ASPRV1: variants seen among roughly 807,000 people sequenced by gnomAD.
The protein encoded by ASPRV1 is aspartic peptidase retroviral like 1.
ASPRV1 carries 7 observed loss-of-function variants against 11.0 expected under a neutral mutation model. That is an observed-to-expected ratio of 0.64 (90% CI 0.36 to 1.20). ASPRV1 has a LOEUF of 1.20. ASPRV1 is among the 50% of genes most tolerant of loss of function. ASPRV1 has a pLI of 0.02. For synonymous variants in ASPRV1, 136 were observed against 138.4 expected (o/e 0.98, Z 0.12); for missense variants, 299 against 320.0 (o/e 0.93, Z 0.50).
At chr2:69,967,873 G>T in the ASPRV1 span, among the ~76,000 whole-genome samples, 2 of 152,110 alleles carry the variant, frequency 1.3e-5, no homozygotes, top group African/African-American at 4.8e-5. Flanking sequence ...CTGAGGTCAG[G>T]AGTTCCAGAC....
At chr2:69,957,456 T>G (rs1677965773), downstream of ASPRV1, among the ~76,000 whole-genome samples, 1 of 151,178 alleles carries the variant, frequency 6.6e-6, no homozygotes. Context: ...CATAAAGAAT[T>G]ATCTAGTATG....
the ASPRV1 span, among the ~76,000 whole-genome samples, chr2:69,984,958 G>A: frequency 2.0e-5 from 3 of 151,274 alleles, no homozygotes; most frequent in Non-Finnish European, 2.9e-5. Flanking sequence ...CCAGGTTCAC[G>A]CCATTCTCCT....
chr2:70,055,830 A>C, the ASPRV1 span: 1 of 152,096 alleles, frequency 6.6e-6, no homozygotes, highest in African/African-American at 2.4e-5. Flanking sequence ...CGTAATCCTG[A>C]CACTTGGGAG....
downstream of ASPRV1, among the ~76,000 whole-genome samples, chr2:69,958,325 G>A (rs1348282005): frequency 6.6e-6 from 1 of 152,104 alleles, no homozygotes; most frequent in Non-Finnish European, 1.5e-5. Context: ...TGCCCTCTCG[G>A]GGGGCCCACA....
chr2:70,062,979 A>G, the ASPRV1 span, among the ~76,000 whole-genome samples: 1 of 152,172 alleles, frequency 6.6e-6, no homozygotes, highest in Non-Finnish European at 1.5e-5. Flanking sequence ...TGGTTTTCCC[A>G]GCATGGCCCT....
At chr2:70,031,267 A>C in the ASPRV1 span, 2 of 152,188 alleles carry the variant, frequency 1.3e-5, no homozygotes, top group African/African-American at 4.8e-5. Context: ...CTTTATGACA[A>C]AGGATTTGCT....
At chr2:69,961,762 G>T, upstream of ASPRV1, 1 of 1,458,714 alleles carries the variant, frequency 6.9e-7, no homozygotes, top group Non-Finnish European at 9.2e-7. Context: ...TAGCAGGATG[G>T]GTGCCTCACC....
the ASPRV1 span, among the ~76,000 whole-genome samples, chr2:70,034,729 A>G: frequency 2.0e-5 from 3 of 152,184 alleles, no homozygotes; most frequent in East Asian, 5.8e-4. Context: ...CAATTCTCCC[A>G]AGGCAGGATG....
the ASPRV1 span, among the ~76,000 whole-genome samples, chr2:70,024,231 CA>C: frequency 6.6e-6 from 1 of 151,466 alleles, no homozygotes; most frequent in South Asian, 2.1e-4. Context: ...TAAAAATTAC[CA>C]AAATTGACTG....
At chr2:70,083,339 A>C in the ASPRV1 span, among the ~76,000 whole-genome samples, 1 of 152,232 alleles carries the variant, frequency 6.6e-6, no homozygotes, top group African/African-American at 2.4e-5. Context: ...TAAAATGGGC[A>C]TAAGACCCTA....
upstream of ASPRV1, chr2:69,962,878 C>A: frequency 5.0e-6 from 1 of 199,174 alleles, no homozygotes; most frequent in Non-Finnish European, 1.1e-5. Flanking sequence ...GAACAACTTC[C>A]TCTGGGACCC....
the ASPRV1 span, among the ~76,000 whole-genome samples, chr2:69,933,074 C>T: frequency 3.3e-5 from 5 of 151,664 alleles, no homozygotes; most frequent in African/African-American, 4.8e-5. Context: ...TGGCGGGCGC[C>T]TGTAATCCCA....
chr2:69,933,069 G>A, the ASPRV1 span, among the ~76,000 whole-genome samples: 1 of 151,638 alleles, frequency 6.6e-6, no homozygotes, highest in Admixed American at 6.6e-5. Context: ...CGTGGTGGCG[G>A]GCGCCTGTAA....
At chr2:69,952,516 GAAAAAGAAAGGAAAA>G in the ASPRV1 span, among the ~76,000 whole-genome samples, 2 of 94,302 alleles carry the variant, frequency 2.1e-5, no homozygotes, top group African/African-American at 8.2e-5. Context: ...AAAAGAAAAA[GAAAAAGAAAGGAAAA>G]GAAAAGAAAA....
At chr2:69,939,466 C>G in the ASPRV1 span, 2 of 152,546 alleles carry the variant, frequency 1.3e-5, no homozygotes, top group Admixed American at 6.5e-5. Flanking sequence ...TTTATTTAAG[C>G]TAAAACAGAG....
upstream of ASPRV1, chr2:69,963,479 T>C (rs768187533): frequency 6.6e-6 from 3 of 455,920 alleles, no homozygotes; most frequent in South Asian, 4.6e-5. Context: ...CTGGTATTCA[T>C]TACCTCTGCA....
the ASPRV1 span, among the ~76,000 whole-genome samples, chr2:70,043,689 T>C: frequency 3.9e-5 from 6 of 152,248 alleles, no homozygotes; most frequent in African/African-American, 1.4e-4. Flanking sequence ...TGGTGGCCTC[T>C]TTTGCGCCAC....
the ASPRV1 span, among the ~76,000 whole-genome samples, chr2:70,079,950 T>G: frequency 6.6e-6 from 1 of 152,190 alleles, no homozygotes; most frequent in Admixed American, 6.5e-5. Context: ...GAACAAATGC[T>G]TTGTCTGGTT....
the ASPRV1 span, among the ~76,000 whole-genome samples, chr2:70,018,649 A>G: frequency 2.0e-5 from 3 of 152,240 alleles, no homozygotes; most frequent in Non-Finnish European, 4.4e-5. Context: ...TTTTCAACAA[A>G]GGTCCCAAGA....
Sources: allele counts gnomAD v4.1 joint callset (sites outside exome capture counted in the v4.1 genomes callset), GRCh38; gene constraint gnomAD v4.1.1; transcripts MANE v1.5; gene names NCBI Gene and HGNC (gene_info 2026-07-23, HGNC 2026-07-21).